LHX8: variants seen among roughly 807,000 people sequenced by gnomAD.
The protein encoded by LHX8 is LIM homeobox 8.
A neutral mutation model predicts 40.3 loss-of-function variants in LHX8; 12 were observed. That is an observed-to-expected ratio of 0.30 (90% CI 0.19 to 0.48). The LOEUF (loss-of-function observed/expected upper bound fraction) is 0.48. Ranked by LOEUF, LHX8 falls within the 20% of genes least tolerant of loss-of-function variation. LHX8 has a pLI of 0.99. For synonymous variants in LHX8, 179 were observed against 162.0 expected (o/e 1.10, Z -0.80); for missense variants, 344 against 433.7 (o/e 0.79, Z 1.84).
the LHX8 span, among the ~76,000 whole-genome samples, chr1:75,184,257 A>G: frequency 2.6e-5 from 4 of 152,192 alleles, no homozygotes; most frequent in East Asian, 7.7e-4. Flanking sequence ...ACTCAACATT[A>G]AACCAAATGG....
chr1:75,190,309 C>A, the LHX8 span, among the ~76,000 whole-genome samples: 3 of 152,038 alleles, frequency 2.0e-5, no homozygotes, highest in African/African-American at 4.8e-5. Flanking sequence ...CTTTTTATTG[C>A]CATTCAGAAT....
chr1:75,156,457 G>A (rs1038965713), intron 7 of LHX8, among the ~76,000 whole-genome samples: 1 of 152,016 alleles, frequency 6.6e-6, no homozygotes, highest in Admixed American at 6.6e-5. Flanking sequence ...GGCCAGGCTG[G>A]TATTGAACCC....
At chr1:75,183,599 C>A in the LHX8 span, among the ~76,000 whole-genome samples, 2 of 152,166 alleles carry the variant, frequency 1.3e-5, no homozygotes, top group Non-Finnish European at 2.9e-5. Context: ...TACCACTAGA[C>A]CTGCCTGACA....
At chr1:75,177,372 C>A in the LHX8 span, among the ~76,000 whole-genome samples, 1 of 152,164 alleles carries the variant, frequency 6.6e-6, no homozygotes, top group Non-Finnish European at 1.5e-5. Flanking sequence ...TGTAGTTCTC[C>A]TTGAAGAGGT....
exon 1 of LHX8, chr1:75,128,448 A>G (rs1647876901): frequency 6.6e-6 from 1 of 152,282 alleles, no homozygotes; most frequent in African/African-American, 2.4e-5. Flanking sequence ...GCAAGAGGCT[A>G]GCGGCTGGAC....
chr1:75,192,658 TTTTTTCATACA>T, the LHX8 span, among the ~76,000 whole-genome samples: 1 of 151,932 alleles, frequency 6.6e-6, no homozygotes, highest in Non-Finnish European at 1.5e-5. Flanking sequence ...TATTTTTTAC[TTTTTTCATACA>T]TTGTGTCCAG....
At chr1:75,159,432 GA>G (rs1356727910) in intron 8 of LHX8, 2 of 151,886 alleles carry the variant, frequency 1.3e-5, no homozygotes, top group Non-Finnish European at 2.9e-5. Flanking sequence ...TTGCTCCTAT[GA>G]AAAAATTTTC....
chr1:75,141,119 G>GAGATA lies in LHX8; in HGVS notation c.359+13_359+14insAGATA, dbSNP rs779326319. ...TTGATTATTTCAGGTATGCTGTGAA[G>GAGATA]CTTTTTCTTAGTAGATACTTGAATA... On this transcript the variant is annotated intron_variant, in intron 4 of 8. Coordinates refer to ENST00000356261, the MANE Select transcript of LHX8 (RefSeq NM_001256114.2). 20 of 1,611,738 alleles carry GAGATA rather than the reference G, an allele frequency of 1.2e-5. No homozygotes were observed. In the South Asian group the frequency reaches 1.9e-4, roughly 15 times the overall value.
the LHX8 span, chr1:75,183,208 T>G: frequency 6.6e-6 from 1 of 152,022 alleles, no homozygotes; most frequent in Non-Finnish European, 1.5e-5. Context: ...CTGTTCCAGG[T>G]TATCATTTAT....
At chr1:75,139,411 G>A (rs1009189315) in intron 3 of LHX8, among the ~76,000 whole-genome samples, 2 of 152,114 alleles carry the variant, frequency 1.3e-5, no homozygotes, top group African/African-American at 4.8e-5. Context: ...GGGAGTAAGA[G>A]AGAGGCCATG....
chr1:75,140,625 AT>A (rs1648285545), intron 3 of LHX8, among the ~76,000 whole-genome samples: 3 of 152,342 alleles, frequency 2.0e-5, no homozygotes, highest in Admixed American at 2.0e-4. Flanking sequence ...TTGGTAAAAT[AT>A]AACAAAAAAA....
the LHX8 span, among the ~76,000 whole-genome samples, chr1:75,179,502 G>GTTTT: frequency 3.1e-3 from 339 of 108,220 alleles, no homozygotes; most frequent in Non-Finnish European, 4.4e-3. Context: ...AACCCCTGTT[G>GTTTT]TTTTTTTTTT....
the LHX8 span, among the ~76,000 whole-genome samples, chr1:75,175,032 G>T: frequency 6.6e-6 from 1 of 152,086 alleles, no homozygotes; most frequent in Admixed American, 6.5e-5. Context: ...TCATAGCTTA[G>T]CTCCTGCTTA....
upstream of LHX8, among the ~76,000 whole-genome samples, chr1:75,129,472 AC>A (rs1268319876): frequency 6.6e-6 from 1 of 152,140 alleles, no homozygotes; most frequent in African/African-American, 2.4e-5. Flanking sequence ...TTTACGAGTT[AC>A]ACCGGAGGTG....
At chr1:75,199,380 A>G in the LHX8 span, among the ~76,000 whole-genome samples, 34 of 152,220 alleles carry the variant, frequency 2.2e-4, no homozygotes, top group Non-Finnish European at 5.9e-5. Context: ...AGGTTATTCT[A>G]ACAATGGATC....
At chr1:75,174,447 A>T in the LHX8 span, among the ~76,000 whole-genome samples, 1 of 151,970 alleles carries the variant, frequency 6.6e-6, no homozygotes, top group African/African-American at 2.4e-5. Context: ...GCTCTCAATA[A>T]TTTTTTTATG....
the LHX8 span, among the ~76,000 whole-genome samples, chr1:75,196,559 A>C: frequency 6.6e-6 from 1 of 152,186 alleles, no homozygotes; most frequent in Non-Finnish European, 1.5e-5. Context: ...TCCTCCCAAA[A>C]CACTGTATTA....
chr1:75,165,314 C>T (rs558302755), downstream of LHX8, among the ~76,000 whole-genome samples: 54 of 152,218 alleles, frequency 3.5e-4, no homozygotes, highest in South Asian at 0.011. Flanking sequence ...TTTTAATATG[C>T]AAGAATTCTC....
chr1:75,167,395 A>G, the LHX8 span, among the ~76,000 whole-genome samples: 8 of 152,198 alleles, frequency 5.3e-5, no homozygotes, highest in Non-Finnish European at 8.8e-5. Flanking sequence ...AGTTATCTGT[A>G]TTTATTCCTT....
Sources: allele counts gnomAD v4.1 joint callset (sites outside exome capture counted in the v4.1 genomes callset), GRCh38; gene constraint gnomAD v4.1.1; transcripts MANE v1.5; gene names NCBI Gene and HGNC (gene_info 2026-07-23, HGNC 2026-07-21).